Variants in TTC12 observed in about 807,000 individuals in gnomAD.
TTC12 encodes tetratricopeptide repeat protein 12.
TTC12 carries 70 observed loss-of-function variants against 90.1 expected under a neutral mutation model. That is an observed-to-expected ratio of 0.78 (90% CI 0.64 to 0.95). The LOEUF is 0.95. TTC12 is among the 40% of genes least tolerant of loss of function. The pLI, the probability that TTC12 is intolerant of heterozygous loss-of-function variation, is 0.00. For synonymous variants in TTC12, 296 were observed against 311.5 expected (o/e 0.95, Z 0.53); for missense variants, 819 against 846.1 (o/e 0.97, Z 0.40).
chr11:113,362,135 G>GAGA (rs1190949054), intron 18 of TTC12, among the ~76,000 whole-genome samples: 1 of 152,144 alleles, frequency 6.6e-6, no homozygotes, highest in Non-Finnish European at 1.5e-5. Context: ...AATCACAAGG[G>GAGA]AGAACTTCCT....
At chr11:113,322,340 C>G (rs2000808) in intron 2 of TTC12, among the ~76,000 whole-genome samples, 89,847 of 151,864 alleles carry the variant, frequency 0.59, 26,929 homozygotes, top group Non-Finnish European at 0.63. Flanking sequence ...GGTGATGCAG[C>G]GTTCCTGATT....
At chr11:113,329,565 T>C in intron 6 of TTC12, 1 of 468,066 alleles carries the variant, frequency 2.1e-6, no homozygotes, top group Non-Finnish European at 4.3e-6. Context: ...CCTCAGCTCA[T>C]GTCAGGCAGT....
At chr11:113,323,502 A>G (rs1947481016) in intron 3 of TTC12, 51 bp downstream of exon 3, 1 of 1,281,728 alleles carries the variant, frequency 7.8e-7, no homozygotes, top group African/African-American at 1.5e-5. Flanking sequence ...GAGAAGACCT[A>G]CACCTAGGCA....
At chr11:113,347,564 TGTGCACAAGTTGCCTG>T (rs1949039384) in intron 13 of TTC12, among the ~76,000 whole-genome samples, 2 of 152,166 alleles carry the variant, frequency 1.3e-5, no homozygotes, top group South Asian at 4.1e-4. Flanking sequence ...CTCCTTACAC[TGTGCACAAGTTGCCTG>T]CCCCGTACTA....
At chr11:113,336,623 T>C (rs188284964) in intron 8 of TTC12, among the ~76,000 whole-genome samples, 4 of 152,304 alleles carry the variant, frequency 2.6e-5, no homozygotes, top group East Asian at 3.9e-4. Context: ...CCCATTACCA[T>C]TGAGTGATTT....
rs574911983 is a variant in TTC12 at position 113,320,269 on chromosome 11, A to G, written c.59-3019A>G. Among the ~76,000 whole-genome samples, 6 of 152,272 alleles carry G rather than the reference A, an allele frequency of 3.9e-5. No homozygotes were observed. In the South Asian group the frequency reaches 1.2e-3, roughly 32 times the overall value. ...ACAGGCATTTCTGTTTTCGTGCCCA[A>G]AAAGTTGCCTTTTGGCCTGCCATGC... On this transcript the variant is annotated intron_variant, in intron 2 of 21. Transcript: ENST00000529221.
chr11:113,340,896 C>CT (rs1458529713), intron 11 of TTC12, among the ~76,000 whole-genome samples, 163 bp downstream of exon 11: 3 of 152,190 alleles, frequency 2.0e-5, no homozygotes, highest in Non-Finnish European at 4.4e-5. Context: ...CCACGAACAT[C>CT]TTTGAGTGCT....
downstream of TTC12, among the ~76,000 whole-genome samples, chr11:113,370,531 CT>C (rs1950354028): frequency 6.6e-6 from 1 of 152,238 alleles, no homozygotes; most frequent in South Asian, 2.1e-4. Flanking sequence ...AATAAGACTC[CT>C]AATTTGATCT....
At chr11:113,343,608 G>T (rs1420193124) in intron 12 of TTC12, among the ~76,000 whole-genome samples, 2 of 152,168 alleles carry the variant, frequency 1.3e-5, no homozygotes, top group Non-Finnish European at 2.9e-5. Flanking sequence ...TGAGGTCCAA[G>T]TGATGGGGCC....
At chr11:113,346,141 T>G (rs1948940729) in intron 13 of TTC12, among the ~76,000 whole-genome samples, 1 of 152,168 alleles carries the variant, frequency 6.6e-6, no homozygotes, top group South Asian at 2.1e-4. Flanking sequence ...GAGAAGAGGT[T>G]GAAGGCATGA....
chr11:113,363,839 G>T lies in TTC12; in HGVS notation c.1728G>T (p.Glu576Asp). 1 of 1,610,694 alleles carries T rather than the reference G, an allele frequency of 6.2e-7. No homozygotes were observed. The highest frequency in any genetic ancestry group is 8.5e-7 in the Non-Finnish European group (1 of 1,177,538). ...ATTCTGAAATCTAGACAGGAGGTGA[G>T]ACTGCATCACGTTATGCTATAAAGA... ...KMMKFLKTGG[E>D]TASRYAIKIL... The change falls in exon 20 of 22, where the codon GAG (glutamate) becomes GAT (aspartate). Residue 576 changes from glutamate to aspartate, a missense_variant. Physicochemically the swap from Glu to Asp is conservative, Grantham distance 45 (BLOSUM62 2). Transcript: ENST00000529221.
At chr11:113,324,196 T>C (rs1947538485) in intron 4 of TTC12, 181 bp downstream of exon 4, 1 of 569,304 alleles carries the variant, frequency 1.8e-6, no homozygotes, top group Non-Finnish European at 3.1e-6. Context: ...GAGGTTTTTC[T>C]TTATTTTCTC....
chr11:113,361,397 G>T (rs1949914466), intron 18 of TTC12, among the ~76,000 whole-genome samples: 1 of 152,226 alleles, frequency 6.6e-6, no homozygotes, highest in South Asian at 2.1e-4. Context: ...ACAGCTGCAA[G>T]GGTGGTAATT....
intron 7 of TTC12, among the ~76,000 whole-genome samples, chr11:113,331,277 G>A (rs907065725): frequency 6.6e-5 from 10 of 152,278 alleles, no homozygotes; most frequent in East Asian, 5.8e-4. Flanking sequence ...CTGCTTTGTC[G>A]CCTTGCTTGA....
downstream of TTC12, among the ~76,000 whole-genome samples, chr11:113,370,695 C>T (rs1219839129): frequency 6.6e-6 from 1 of 152,204 alleles, no homozygotes; most frequent in Non-Finnish European, 1.5e-5. Context: ...GCTGGCAAAG[C>T]AGGGAACAGT....
At chr11:113,367,755 G>A (rs548847421), downstream of TTC12, among the ~76,000 whole-genome samples, 7 of 152,348 alleles carry the variant, frequency 4.6e-5, no homozygotes, top group South Asian at 8.3e-4. Context: ...AATGGCCTGA[G>A]CCCCTCATTC....
chr11:113,336,546 G>A (rs1174027013), intron 8 of TTC12, among the ~76,000 whole-genome samples: 1 of 152,064 alleles, frequency 6.6e-6, no homozygotes, highest in Non-Finnish European at 1.5e-5. Context: ...TCCATTTTGA[G>A]TTCATTTTTT....
At chr11:113,366,475 G>A (rs1258848596), downstream of TTC12, 1 of 1,152,384 alleles carries the variant, frequency 8.7e-7, no homozygotes, top group African/African-American at 1.6e-5. Flanking sequence ...GGCTGCTGTG[G>A]TGGGCTCTGT....
chr11:113,324,683 G>A lies in TTC12; in HGVS notation c.322+1G>A, dbSNP rs1555140317. 6.2e-7 allele frequency: 1 copy of A among 1,613,270 alleles called. No individual in the cohort carries two copies. Among genetic ancestry groups the A allele is most frequent in the South Asian group, 1.1e-5 (1 of 90,882 alleles). ...AGGGAAAACAAAGTCTTGGCGGATG[G>A]TAATTGTCAGTCCTTACTTTTCAAT... On this transcript the variant is annotated splice_donor_variant, in intron 5 of 21. Transcript: ENST00000529221. LOFTEE classifies it high-confidence loss of function.
Sources: allele counts gnomAD v4.1 joint callset (sites outside exome capture counted in the v4.1 genomes callset), GRCh38; gene constraint gnomAD v4.1.1; transcripts MANE v1.5; gene names NCBI Gene and HGNC (gene_info 2026-07-23, HGNC 2026-07-21).